UNC5C: variants seen among roughly 807,000 people sequenced by gnomAD.
UNC5C encodes unc-5 netrin receptor C, also known as netrin receptor UNC5C.
In UNC5C, 47 loss-of-function variants were observed where a neutral mutation model predicts 99.8. That is an observed-to-expected ratio of 0.47 (90% CI 0.37 to 0.60). UNC5C has a LOEUF of 0.60. Among genes scored for constraint, UNC5C ranks in the 20% least tolerant of loss-of-function variants. The pLI is 0.00. For synonymous variants in UNC5C, 487 were observed against 452.2 expected, an observed-to-expected ratio of 1.08 and a Z score of -0.98; for missense variants, 1,062 against 1,165.9, an observed-to-expected ratio of 0.91 and a Z score of 1.30.
chr4:95,230,862 T>G (rs945861405), intron 7 of UNC5C, among the ~76,000 whole-genome samples: 5 of 152,086 alleles, frequency 3.3e-5, no homozygotes, highest in Non-Finnish European at 7.4e-5. Context: ...TGCCTCAGTT[T>G]CTTCCTTTGT....
At chr4:95,264,252 G>A (rs1740350300) in intron 4 of UNC5C, among the ~76,000 whole-genome samples, 1 of 152,132 alleles carries the variant, frequency 6.6e-6, no homozygotes, top group Non-Finnish European at 1.5e-5. Flanking sequence ...CTAGGAAAAA[G>A]GAGAAAGTTT....
intron 1 of UNC5C, among the ~76,000 whole-genome samples, chr4:95,498,595 C>A (rs541427509): frequency 6.6e-6 from 1 of 151,972 alleles, no homozygotes; most frequent in South Asian, 2.1e-4. Context: ...TTTGTTGTAT[C>A]CCAAACTTTA....
intron 1 of UNC5C, among the ~76,000 whole-genome samples, chr4:95,483,283 G>A (rs1487924827): frequency 2.0e-5 from 3 of 151,674 alleles, no homozygotes; most frequent in Non-Finnish European, 4.4e-5. Context: ...GAACTTAAAA[G>A]GGTATTAATA....
intron 1 of UNC5C, among the ~76,000 whole-genome samples, chr4:95,369,778 A>C (rs1004481228): frequency 2.0e-5 from 3 of 152,178 alleles, no homozygotes; most frequent in African/African-American, 7.2e-5. Flanking sequence ...GCAACAAAGA[A>C]AGTTTCGACT....
At chr4:95,431,222 C>A (rs1746626803) in intron 1 of UNC5C, among the ~76,000 whole-genome samples, 1 of 152,022 alleles carries the variant, frequency 6.6e-6, no homozygotes, top group Non-Finnish European at 1.5e-5. Context: ...TTTCCTAGCA[C>A]CCCTTATGCT....
intron 1 of UNC5C, among the ~76,000 whole-genome samples, chr4:95,430,928 A>G: frequency 6.6e-6 from 1 of 152,212 alleles, no homozygotes; most frequent in African/African-American, 2.4e-5. Context: ...AGGAATTCAC[A>G]GTCTGACCTC....
chr4:95,305,768 G>A (rs368518034), intron 2 of UNC5C, among the ~76,000 whole-genome samples: 47 of 152,304 alleles, frequency 3.1e-4, no homozygotes, highest in African/African-American at 1.0e-3. Flanking sequence ...GTTATTCCAA[G>A]AAGTCTTATG....
intron 1 of UNC5C, among the ~76,000 whole-genome samples, chr4:95,394,266 A>AAC (rs1745445693): frequency 6.6e-6 from 1 of 152,058 alleles, no homozygotes; most frequent in African/African-American, 2.4e-5. Flanking sequence ...ACAAAAAAAA[A>AAC]AAACCCTCCA....
intron 1 of UNC5C, among the ~76,000 whole-genome samples, chr4:95,429,647 C>T (rs573778776): frequency 1.3e-4 from 20 of 152,096 alleles, no homozygotes; most frequent in Non-Finnish European, 2.9e-4. Context: ...GCCAAAGAAG[C>T]CTCATTCACA....
chr4:95,301,385 C>T (rs1579307887), intron 3 of UNC5C, among the ~76,000 whole-genome samples: 1 of 152,004 alleles, frequency 6.6e-6, no homozygotes, highest in South Asian at 2.1e-4. Flanking sequence ...TTAGTAGAAA[C>T]GGGGTTTCAC....
chr4:95,294,950 G>T (rs1433661456), intron 3 of UNC5C, among the ~76,000 whole-genome samples: 1 of 152,140 alleles, frequency 6.6e-6, no homozygotes, highest in Admixed American at 6.5e-5. Flanking sequence ...ACTTGACTAA[G>T]GTCACAGTAG....
rs1743307029 is a variant in UNC5C at position 95,335,624 on chromosome 4, G to T, written c.132C>A (p.Asp44Glu). The T allele has an allele frequency of 6.2e-7, 1 of 1,604,992 alleles. No homozygotes were observed. Among genetic ancestry groups the T allele is most frequent in the Non-Finnish European group, 8.5e-7 (1 of 1,176,378 alleles). ...AAGTTTCTGGGAGTTCATGAAAAAAGTCATCATCTGAGAAAGAAGAAGAAA... is the reference window on the plus strand; with the variant it reads ...AAGTTTCTGGGAGTTCATGAAAAAATTCATCATCTGAGAAAGAAGAAGAAA... ...SGTGSAAQDD[D>E]FFHELPETFP... Residue 44 changes from aspartate to glutamate, a missense_variant, in exon 2 of 16, where the codon GAC becomes GAA. This residue lies in a region of UNC5C where 249 missense variants were observed against 295.1 expected (regional missense o/e 0.84). Transcript: ENST00000453304.
chr4:95,403,930 T>G (rs1371790905), intron 1 of UNC5C, among the ~76,000 whole-genome samples: 1 of 152,244 alleles, frequency 6.6e-6, no homozygotes, highest in Non-Finnish European at 1.5e-5. Flanking sequence ...AGGAAACTAC[T>G]TAGCCTCCTG....
intron 1 of UNC5C, among the ~76,000 whole-genome samples, chr4:95,529,987 GAAC>G (rs780889980): frequency 6.6e-6 from 1 of 152,162 alleles, no homozygotes. Context: ...TGTCCACTTT[GAAC>G]AACAACTGAA....
chr4:95,328,040 C>CT (rs34794058), intron 2 of UNC5C, among the ~76,000 whole-genome samples: 1,469 of 87,030 alleles, frequency 0.017, 45 homozygotes, highest in African/African-American at 0.055. Flanking sequence ...CAGGCAACTT[C>CT]TTTTTTTTTT....
intron 1 of UNC5C, among the ~76,000 whole-genome samples, chr4:95,358,959 C>T (rs893684700): frequency 1.3e-5 from 2 of 152,108 alleles, no homozygotes; most frequent in African/African-American, 4.8e-5. Context: ...TAAAAAGTTC[C>T]AAGGACTCTG....
chr4:95,229,044 ACAT>A (rs1159909395), intron 7 of UNC5C, among the ~76,000 whole-genome samples: 1 of 152,170 alleles, frequency 6.6e-6, no homozygotes, highest in African/African-American at 2.4e-5. Context: ...TAAAGGAGAA[ACAT>A]CATTTCCCTC....
chr4:95,317,157 A>C (rs1742506269), intron 2 of UNC5C, among the ~76,000 whole-genome samples: 1 of 152,146 alleles, frequency 6.6e-6, no homozygotes, highest in Non-Finnish European at 1.5e-5. Flanking sequence ...GCTCTTTCTA[A>C]TGATCTGGGC....
At chr4:95,357,416 G>A (rs187867075) in intron 1 of UNC5C, among the ~76,000 whole-genome samples, 19 of 152,030 alleles carry the variant, frequency 1.2e-4, no homozygotes, top group East Asian at 1.2e-3. Flanking sequence ...GATTACAGGC[G>A]TGCACCATTG....
Sources: gnomAD v4.1 joint callset for allele counts (sites outside exome capture counted in the v4.1 genomes callset) on GRCh38, gnomAD v4.1.1 for gene constraint, gnomAD v4.1.1 regional missense constraint, MANE v1.5 for transcripts, NCBI Gene and HGNC (gene_info 2026-07-23, HGNC 2026-07-21) for gene names.